The following IL13 variants were observed in gnomAD, a reference collection of about 807,000 sequenced individuals.
IL13 encodes the protein interleukin-13.
IL13 carries 9 observed loss-of-function variants against 11.1 expected under a neutral mutation model. That is an observed-to-expected ratio of 0.81 (90% confidence interval 0.49 to 1.42). IL13 has a LOEUF of 1.42. IL13 is among the 40% of genes most tolerant of loss of function. The pLI is 0.00. For missense variants in IL13, 181 were observed against 182.5 expected (o/e 0.99, Z 0.05); for synonymous variants, 75 against 76.9 (o/e 0.97, Z 0.13).
chr5:132,656,603 C>A (rs770116349), upstream of IL13: 1 of 152,358 alleles, frequency 6.6e-6, no homozygotes, highest in South Asian at 2.1e-4. Flanking sequence ...CTCACCCGGG[C>A]GGGGCTCCGG....
chr5:132,659,145 G>C lies in IL13; in HGVS notation c.175-273G>C. ...CCGCAGGCCCCTGTCCTCCTGCCCT[G>C]ACTATGGCAAGCCTTGCATGCAGCT... On this transcript the variant is annotated intron_variant, in intron 1 of 3. Transcript: ENST00000304506. This position sits in a 1 kb window ranked among gnomAD's most constrained non-coding sequence, Gnocchi z 4.1. 2.2e-6 allele frequency: 1 copy of C among 449,522 alleles called. No individual in the cohort carries two copies. The highest frequency in any genetic ancestry group is 2.3e-5 in the South Asian group (1 of 43,518). The allele number at this position is 449,522 out of a possible 1,614,324, so 27.8% of individuals were successfully genotyped here. A position where few individuals can be genotyped will look rare whatever the true frequency, so the allele number is the denominator to read the frequency against.
rs1752132466 is a variant in IL13 at position 132,660,492 on chromosome 5, C to A, written c.*210C>A. 2.7e-6 allele frequency: 2 copies of A among 747,832 alleles called. No individual in the cohort carries two copies. Among genetic ancestry groups the A allele is most frequent in the Non-Finnish European group, 4.0e-6 (2 of 497,482 alleles). 46.3% of individuals were successfully genotyped at this position (747,832 alleles called of 1,614,324 possible). On this transcript the variant is annotated 3_prime_UTR_variant, in exon 4 of 4. Transcript: ENST00000304506. The stretch of plus-strand genomic sequence containing the variant: ...CTTGCCCAGGGCTCAGCCTGGTGGG[C>A]CTCCTCTGTCCAGGGCCCTGAGCTC...
chr5:132,658,486 C>G (rs951529860), intron 1 of IL13, 126 bp downstream of exon 1: 40 of 596,062 alleles, frequency 6.7e-5, no homozygotes, highest in Non-Finnish European at 1.1e-4. Context: ...CTCCATGGAC[C>G]AAGGCCCGGC....
upstream of IL13, among the ~76,000 whole-genome samples, chr5:132,656,910 C>T (rs990638022): frequency 2.0e-5 from 3 of 152,184 alleles, no homozygotes; most frequent in Non-Finnish European, 4.4e-5. Flanking sequence ...TCCAGCATGC[C>T]TTGTGAGGAG....
rs956632373 is a variant in IL13 at position 132,659,635 on chromosome 5, C to A, written c.229-89C>A. ...CCCGCCCACCACCCAGACTCACCTGCGCCAGGCATCTCAGCCCCATCTTCC... is the reference window on the plus strand; with the variant it reads ...CCCGCCCACCACCCAGACTCACCTGAGCCAGGCATCTCAGCCCCATCTTCC... On this transcript the variant is annotated intron_variant, in intron 2 of 3. Coordinates refer to ENST00000304506, the MANE Select transcript of IL13 (RefSeq NM_002188.3). The surrounding 1 kb of genome is among the most constrained non-coding windows in gnomAD (Gnocchi z 4.1). 3 of 1,597,610 alleles carry A rather than the reference C, an allele frequency of 1.9e-6. No individual in the cohort carries two copies. Among genetic ancestry groups the A allele is most frequent in the Non-Finnish European group, 2.6e-6 (3 of 1,169,288 alleles).
Position 132,659,459 on chromosome 5 carries a change from G to A in IL13, c.216G>A (p.Leu72=). Residue 72 remains leucine (L), a synonymous_variant, in exon 2 of 4, where the codon CTG becomes CTA. Coordinates refer to ENST00000304506, the MANE Select transcript of IL13 (RefSeq NM_002188.3). The surrounding 1 kb of genome is among the most constrained non-coding windows in gnomAD (Gnocchi z 4.1). ...CNGSMVWSIN[L]TAGMYCAALE... is the part of the protein sequence containing the mutation. ...GCAGCATGGTATGGAGCATCAACCT[G>A]ACAGCTGGCATGGTAAGGACCTTTG... 1.2e-6 allele frequency: 2 copies of A among 1,611,990 alleles called. No homozygotes were observed. Among genetic ancestry groups the A allele is most frequent in the Non-Finnish European group, 8.5e-7 (1 of 1,178,784 alleles).
Position 132,660,692 on chromosome 5 carries a change from TGTGTGTTATTTAAATGA to T in IL13, c.*418_*434del. Reference sequence around the variant, plus strand: ...ACTTCTTCTTGGTCTTATTTATTATTGTGTGTTATTTAAATGAGTGTGTTTGTCACCGTTGGGGATTG... The same window carrying T: ...ACTTCTTCTTGGTCTTATTTATTATTGTGTGTTTGTCACCGTTGGGGATTG... On this transcript the variant is annotated 3_prime_UTR_variant, in exon 4 of 4. Coordinates refer to ENST00000304506, the MANE Select transcript of IL13 (RefSeq NM_002188.3). 5.2e-6 allele frequency: 1 copy of T among 193,338 alleles called. No homozygotes were observed. The highest frequency in any genetic ancestry group is 1.0e-4 in the South Asian group (1 of 9,590). 12.0% of individuals were successfully genotyped at this position (193,338 alleles called of 1,614,324 possible).
chr5:132,656,909 C>T (rs1752043807), upstream of IL13, among the ~76,000 whole-genome samples: 1 of 152,188 alleles, frequency 6.6e-6, no homozygotes, highest in South Asian at 2.1e-4. Flanking sequence ...ATCCAGCATG[C>T]CTTGTGAGGA....
chr5:132,660,508 C>A lies in IL13; in HGVS notation c.*226C>A. 1 of 609,790 alleles carries A rather than the reference C, an allele frequency of 1.6e-6. No individual in the cohort carries two copies. The highest frequency in any genetic ancestry group is 2.6e-6 in the Non-Finnish European group (1 of 378,524). The allele number at this position is 609,790 out of a possible 1,614,324, so 37.8% of individuals were successfully genotyped here. On this transcript the variant is annotated 3_prime_UTR_variant, in exon 4 of 4. Coordinates refer to ENST00000304506, the MANE Select transcript of IL13 (RefSeq NM_002188.3). ...CCTGGTGGGCCTCCTCTGTCCAGGGCCCTGAGCTCGGTGGACCCAGGGATG... is the reference window on the plus strand; with the variant it reads ...CCTGGTGGGCCTCCTCTGTCCAGGGACCTGAGCTCGGTGGACCCAGGGATG...
Position 132,659,896 on chromosome 5 carries a change from G to T in IL13, c.333+68G>T, listed in dbSNP as rs1019451492. Reference sequence around the variant, plus strand: ...CCTGCCAACCCTGGGCTCGCTGAAGGGAAGCTGGCTGAATATCCATGGTGT... The same window carrying T: ...CCTGCCAACCCTGGGCTCGCTGAAGTGAAGCTGGCTGAATATCCATGGTGT... On this transcript the variant is annotated intron_variant, in intron 3 of 3. Transcript: ENST00000304506. This position sits in a 1 kb window ranked among gnomAD's most constrained non-coding sequence, Gnocchi z 4.1. The T allele has an allele frequency of 6.3e-7, 1 of 1,576,128 alleles. No homozygotes were observed.
At chr5:132,658,751 C>T (rs188495193) in intron 1 of IL13, 34 of 191,620 alleles carry the variant, frequency 1.8e-4, no homozygotes, top group Middle Eastern at 2.1e-3. Flanking sequence ...ATCATAGGCC[C>T]GCCCTTACAG....
Position 132,659,510 on chromosome 5 carries a change from T to C in IL13, c.228+39T>C. 1 of 1,587,378 alleles carries C rather than the reference T, an allele frequency of 6.3e-7. No individual in the cohort carries two copies. The highest frequency in any genetic ancestry group is 8.6e-7 in the Non-Finnish European group (1 of 1,158,528). The stretch of plus-strand genomic sequence containing the variant: ...GGTGCAGGGAGGATGGGGCAGAGGC[T>C]CCAGGCCTTGGGCTTATCTTCTCTG... On this transcript the variant is annotated intron_variant, in intron 2 of 3. Coordinates refer to ENST00000304506, the MANE Select transcript of IL13 (RefSeq NM_002188.3). The surrounding 1 kb of genome is among the most constrained non-coding windows in gnomAD (Gnocchi z 4.1).
Position 132,659,379 on chromosome 5 carries a change from C to A in IL13, c.175-39C>A, listed in dbSNP as rs1752103206. Reference sequence around the variant, plus strand: ...GGGCTGCCAGGGCAGGCCCACAACCCCTGCCAGCACTCTGCTCACTGTCAC... The same window carrying A: ...GGGCTGCCAGGGCAGGCCCACAACCACTGCCAGCACTCTGCTCACTGTCAC... On this transcript the variant is annotated intron_variant, in intron 1 of 3. Transcript: ENST00000304506. The surrounding 1 kb of genome is among the most constrained non-coding windows in gnomAD (Gnocchi z 4.1). The A allele has an allele frequency of 2.6e-6, 4 of 1,529,628 alleles. No homozygotes were observed. The highest frequency in any genetic ancestry group is 1.4e-5 in the African/African-American group (1 of 73,672). 94.8% of individuals were successfully genotyped at this position (1,529,628 alleles called of 1,614,324 possible).
upstream of IL13, chr5:132,656,994 A>AG: frequency 6.5e-6 from 1 of 153,082 alleles, no homozygotes; most frequent in Non-Finnish European, 1.5e-5. Flanking sequence ...GCAGGCAGAG[A>AG]GGGGGCCTGG....
Position 132,660,517 on chromosome 5 carries a change from C to G in IL13, c.*235C>G, listed in dbSNP as rs200895460. On this transcript the variant is annotated 3_prime_UTR_variant, in exon 4 of 4. Coordinates refer to ENST00000304506, the MANE Select transcript of IL13 (RefSeq NM_002188.3). Reference sequence around the variant, plus strand: ...CCTCCTCTGTCCAGGGCCCTGAGCTCGGTGGACCCAGGGATGACATGTCCC... The same window carrying G: ...CCTCCTCTGTCCAGGGCCCTGAGCTGGGTGGACCCAGGGATGACATGTCCC... The G allele has an allele frequency of 3.7e-6, 2 of 539,344 alleles. No homozygotes were observed. Among genetic ancestry groups the G allele is most frequent in the Non-Finnish European group, 6.3e-6 (2 of 319,542 alleles). 33.4% of individuals were successfully genotyped at this position (539,344 alleles called of 1,614,324 possible).
At chr5:132,658,553 A>G (rs1208579276) in intron 1 of IL13, 193 bp downstream of exon 1, 6 of 507,826 alleles carry the variant, frequency 1.2e-5, no homozygotes, top group African/African-American at 9.7e-5. Context: ...GGATGGACCT[A>G]TGGAGGTGTC....
intron 1 of IL13, 43 bp downstream of exon 1, chr5:132,658,403 G>T: frequency 2.4e-6 from 3 of 1,262,316 alleles, no homozygotes; most frequent in Non-Finnish European, 2.3e-6. Context: ...AGGGCTCCAG[G>T]GTGGGTGATT....
In IL13 at chr5:132,659,589, C is replaced by G; in HGVS notation, c.228+118C>G. 6.4e-7 allele frequency: 1 copy of G among 1,571,620 alleles called. No individual in the cohort carries two copies. Among genetic ancestry groups the G allele is most frequent in the Non-Finnish European group, 8.7e-7 (1 of 1,153,638 alleles). The stretch of plus-strand genomic sequence containing the variant: ...GCAAGCTTCAAGTGCTCTCCTCCCT[C>G]CCGCCATAATCTGGCCCCTTCCCGC... On this transcript the variant is annotated intron_variant, in intron 2 of 3. Transcript: ENST00000304506. This position sits in a 1 kb window ranked among gnomAD's most constrained non-coding sequence, Gnocchi z 4.1.
chr5:132,660,216 G>A lies in IL13; in HGVS notation c.375G>A (p.Val125=). The A allele has an allele frequency of 6.2e-7, 1 of 1,614,180 alleles. No individual in the cohort carries two copies. Among genetic ancestry groups the A allele is most frequent in the Non-Finnish European group, 8.5e-7 (1 of 1,180,032 alleles). The change falls in exon 4 of 4, where the codon GTG becomes GTA. Residue 125 remains valine (V), a synonymous_variant. Coordinates refer to ENST00000304506, the MANE Select transcript of IL13 (RefSeq NM_002188.3). ...SLHVRDTKIE[V]AQFVKDLLLH... Reference sequence around the variant, plus strand: ...ATGTCCGAGACACCAAAATCGAGGTGGCCCAGTTTGTAAAGGACCTGCTCT... The same window carrying A: ...ATGTCCGAGACACCAAAATCGAGGTAGCCCAGTTTGTAAAGGACCTGCTCT...
Sources: allele counts gnomAD v4.1 joint callset (sites outside exome capture counted in the v4.1 genomes callset), GRCh38; gene constraint gnomAD v4.1.1; non-coding constraint Gnocchi (gnomAD v3.1); transcripts MANE v1.5; gene names NCBI Gene and HGNC (gene_info 2026-07-23, HGNC 2026-07-21).